ACSS3: variants seen among roughly 807,000 people sequenced by gnomAD.
The protein encoded by ACSS3 is acyl-CoA synthetase short chain family member 3, also known as acyl-CoA synthetase short-chain family member 3, mitochondrial.
In ACSS3, 64 loss-of-function variants were observed where a neutral mutation model predicts 84.2. That is an observed-to-expected ratio of 0.76 (90% CI 0.62 to 0.94). The LOEUF is 0.94. ACSS3 is among the 40% of genes least tolerant of loss of function. ACSS3 has a pLI of 0.00. For synonymous variants in ACSS3, 317 were observed against 310.1 expected (o/e 1.02, Z -0.23); for missense variants, 815 against 867.6 (o/e 0.94, Z 0.76).
intron 1 of ACSS3, among the ~76,000 whole-genome samples, chr12:81,089,011 C>T (rs1444344465): frequency 6.6e-6 from 1 of 151,796 alleles, no homozygotes; most frequent in Non-Finnish European, 1.5e-5. Flanking sequence ...GAAATGTTTC[C>T]TGGACAATAG....
chr12:81,135,468 A>G (rs1885751020), intron 3 of ACSS3, among the ~76,000 whole-genome samples: 1 of 145,768 alleles, frequency 6.9e-6, no homozygotes, highest in Non-Finnish European at 1.5e-5. Context: ...AATAAAATAT[A>G]TACACACACA....
Position 81,216,927 on chromosome 12 carries a change from T to A in ACSS3, c.1381T>A (p.Cys461Ser), listed in dbSNP as rs752879154. 4 of 1,610,902 alleles carry A rather than the reference T, an allele frequency of 2.5e-6. No individual in the cohort carries two copies. The African/African-American group carries it at 4.0e-5, about 16-fold the overall frequency. ...TETGSPITAS[C>S]VGLGNSKTPP... Reference sequence around the variant, plus strand: ...GACTGGATCTCCAATTACTGCGTCATGTGTTGGATTAGGCAATTCTAAAAC... The same window carrying A: ...GACTGGATCTCCAATTACTGCGTCAAGTGTTGGATTAGGCAATTCTAAAAC... The change falls in exon 10 of 16, where the codon TGT becomes AGT. Residue 461 changes from cysteine to serine, a missense_variant. By Grantham distance (112) the Cys-to-Ser change is moderately radical. Coordinates refer to ENST00000548058, the MANE Select transcript of ACSS3 (RefSeq NM_024560.4).
intron 7 of ACSS3, among the ~76,000 whole-genome samples, chr12:81,169,429 C>T (rs888693846): frequency 2.0e-5 from 3 of 152,012 alleles, no homozygotes; most frequent in Non-Finnish European, 2.9e-5. Context: ...GAGAAAGGGG[C>T]ATTGAGAAAG....
intron 9 of ACSS3, among the ~76,000 whole-genome samples, chr12:81,208,389 A>G (rs2032438525): frequency 6.6e-6 from 1 of 152,122 alleles, no homozygotes. Context: ...TCTTCCTCTT[A>G]ACCCTCATTC....
intron 2 of ACSS3, among the ~76,000 whole-genome samples, chr12:81,131,276 ATTTG>A (rs1885483630): frequency 6.6e-6 from 1 of 152,094 alleles, no homozygotes; most frequent in African/African-American, 2.4e-5. Context: ...GTGTTCTTCC[ATTTG>A]TTTGTGTCCT....
At chr12:81,219,966 T>C in intron 10 of ACSS3, 47 bp from the exon 11 acceptor site, 1 of 1,287,450 alleles carries the variant, frequency 7.8e-7, no homozygotes, top group African/African-American at 1.6e-5. Context: ...ATGTTTAAGC[T>C]TTAAGATTAT....
chr12:81,112,669 T>G (rs968166993), intron 2 of ACSS3, among the ~76,000 whole-genome samples: 44 of 152,204 alleles, frequency 2.9e-4, no homozygotes, highest in African/African-American at 1.1e-3. Flanking sequence ...GATTACTTGC[T>G]TCTGATTCCC....
chr12:81,239,874 T>C (rs2033739276), intron 13 of ACSS3, among the ~76,000 whole-genome samples: 1 of 152,076 alleles, frequency 6.6e-6, no homozygotes, highest in South Asian at 2.1e-4. Flanking sequence ...CAACAATATG[T>C]GTGCATATAT....
chr12:81,238,178 C>T (rs1276546851), intron 13 of ACSS3, among the ~76,000 whole-genome samples: 3 of 151,860 alleles, frequency 2.0e-5, no homozygotes, highest in Non-Finnish European at 2.9e-5. Flanking sequence ...TATTGAATTT[C>T]GAACCAGCTT....
intron 12 of ACSS3, among the ~76,000 whole-genome samples, 174 bp downstream of exon 12, chr12:81,231,312 C>T (rs1040469475): frequency 3.3e-5 from 5 of 151,794 alleles, no homozygotes; most frequent in Non-Finnish European, 7.4e-5. Context: ...TATCTAAATA[C>T]GTCAATTTTA....
chr12:81,082,193 G>A (rs986270474), intron 1 of ACSS3, among the ~76,000 whole-genome samples: 19 of 152,136 alleles, frequency 1.2e-4, no homozygotes, highest in Non-Finnish European at 2.5e-4. Flanking sequence ...GTACCTGGTA[G>A]GTTTTCGACC....
chr12:81,127,472 C>T (rs1236874880), intron 2 of ACSS3, among the ~76,000 whole-genome samples: 3 of 151,954 alleles, frequency 2.0e-5, no homozygotes, highest in Non-Finnish European at 4.4e-5. Context: ...GTAAAACAAA[C>T]AAAAATGTGT....
At position 81,253,475 on chromosome 12, in the gene ACSS3, C is replaced by A. The variant is rs762189132; in HGVS notation, c.1820-20C>A. ...TAACTAAGGTTAATTCAGTGCTTAC[C>A]ATCTGAACTTTCTCTCTAGATATAA... On this transcript the variant is annotated intron_variant, in intron 14 of 15. Transcript: ENST00000548058. 4.3e-6 allele frequency: 7 copies of A among 1,613,186 alleles called. No homozygotes were observed. The Admixed American group carries it at 1.2e-4, about 27-fold the overall frequency.
At chr12:81,224,433 T>C (rs2135956363) in intron 11 of ACSS3, among the ~76,000 whole-genome samples, 1 of 152,100 alleles carries the variant, frequency 6.6e-6, no homozygotes, top group Admixed American at 6.6e-5. Context: ...AAAAATCTGC[T>C]GTAGCTCATA....
At chr12:81,161,185 A>T (rs974212153) in intron 7 of ACSS3, among the ~76,000 whole-genome samples, 3 of 152,258 alleles carry the variant, frequency 2.0e-5, no homozygotes, top group African/African-American at 7.2e-5. Flanking sequence ...GAAGAATTCA[A>T]ATCAGAGCAC....
At chr12:81,190,667 T>A (rs2031522858) in intron 8 of ACSS3, among the ~76,000 whole-genome samples, 1 of 152,102 alleles carries the variant, frequency 6.6e-6, no homozygotes, top group Non-Finnish European at 1.5e-5. Context: ...CTCATTTTTG[T>A]CTCATCCAGA....
intron 13 of ACSS3, among the ~76,000 whole-genome samples, chr12:81,245,251 G>A (rs1380006970): frequency 2.0e-5 from 3 of 152,146 alleles, no homozygotes; most frequent in African/African-American, 7.2e-5. Context: ...CACGAGGTCA[G>A]GAGATCGAGA....
chr12:81,172,688 T>G (rs376213486), intron 7 of ACSS3, among the ~76,000 whole-genome samples: 3 of 152,116 alleles, frequency 2.0e-5, no homozygotes, highest in East Asian at 1.9e-4. Context: ...ATCTAAAACA[T>G]TGCTATATGG....
intron 7 of ACSS3, among the ~76,000 whole-genome samples, chr12:81,159,825 T>C (rs1299455459): frequency 6.6e-6 from 1 of 152,230 alleles, no homozygotes; most frequent in South Asian, 2.1e-4. Flanking sequence ...TACAGAGATA[T>C]GCTCCCTTGC....
Sources: gnomAD v4.1 joint callset for allele counts (sites outside exome capture counted in the v4.1 genomes callset) on GRCh38, gnomAD v4.1.1 for gene constraint, MANE v1.5 for transcripts, NCBI Gene and HGNC (gene_info 2026-07-23, HGNC 2026-07-21) for gene names.